ATXN1: variants seen among roughly 807,000 people sequenced by gnomAD.
The protein encoded by ATXN1 is ataxin 1.
Under a neutral mutation model 56.4 loss-of-function variants are expected in ATXN1, and 8 were observed. That is an observed-to-expected ratio of 0.14 (90% CI 0.08 to 0.26). The LOEUF (loss-of-function observed/expected upper bound fraction) is 0.26, where lower values mean the gene tolerates loss of function less well. Ranked by LOEUF, ATXN1 falls within the 10% of genes least tolerant of loss-of-function variation. ATXN1 has a pLI of 1.00. For missense variants in ATXN1, 987 were observed against 1,106.5 expected, an observed-to-expected ratio of 0.89 and a Z score of 1.53; for synonymous variants, 514 against 494.6, an observed-to-expected ratio of 1.04 and a Z score of -0.52.
chr6:16,560,145 C>T (rs908548589), intron 4 of ATXN1, among the ~76,000 whole-genome samples: 24 of 152,110 alleles, frequency 1.6e-4, no homozygotes, highest in African/African-American at 2.4e-4. Flanking sequence ...ACTTATTCTG[C>T]GTAGCTGAAT....
chr6:16,457,536 G>T (rs183869118), intron 6 of ATXN1, among the ~76,000 whole-genome samples: 3 of 152,132 alleles, frequency 2.0e-5, no homozygotes, highest in Admixed American at 2.0e-4. Flanking sequence ...TCTGCACTAC[G>T]GTCTGGCCTT....
In ATXN1 at chr6:16,662,062, G is replaced by A. The variant is rs1188320602; in HGVS notation, c.-614-4161C>T. Among the ~76,000 whole-genome samples the A allele has an allele frequency of 2.0e-5, 3 of 152,146 alleles. No individual in the cohort carries two copies. In the East Asian group the frequency reaches 5.8e-4, roughly 29 times the overall value. The stretch of plus-strand genomic sequence containing the variant: ...TACAATGTATGAAACACTCTTCTGG[G>A]AACTTTACATGACTTTTTACAGTGG... On this transcript the variant is annotated intron_variant, in intron 2 of 7. Coordinates refer to ENST00000436367, the MANE Select transcript of ATXN1 (RefSeq NM_001128164.2).
intron 6 of ATXN1, among the ~76,000 whole-genome samples, chr6:16,342,025 GC>G (rs1444178105): frequency 4.6e-5 from 7 of 151,722 alleles, no homozygotes; most frequent in African/African-American, 1.7e-4. Context: ...ACAGGTGCCT[GC>G]CACCACACCT....
chr6:16,523,857 C>T (rs977009018), intron 4 of ATXN1, among the ~76,000 whole-genome samples: 4 of 151,320 alleles, frequency 2.6e-5, no homozygotes, highest in Admixed American at 6.6e-5. Context: ...GATAAGGGAG[C>T]GACGGCAACA....
intron 3 of ATXN1, among the ~76,000 whole-genome samples, chr6:16,586,877 C>T (rs974186061): frequency 3.9e-5 from 6 of 151,940 alleles, no homozygotes; most frequent in African/African-American, 7.3e-5. Flanking sequence ...AAATTAGCCA[C>T]GCATGGTGGT....
chr6:16,337,070 C>A (rs778344527), intron 6 of ATXN1, among the ~76,000 whole-genome samples: 1 of 152,174 alleles, frequency 6.6e-6, no homozygotes, highest in African/African-American at 2.4e-5. Flanking sequence ...CCTCAAGACA[C>A]ACAGCTGCAC....
chr6:16,542,104 T>A lies in ATXN1; in HGVS notation c.-360-19416A>T, dbSNP rs529955243. 5.9e-5 allele frequency among the ~76,000 whole-genome samples: 9 copies of A among 151,892 alleles called. No individual in the cohort carries two copies. The East Asian group carries it at 9.7e-4, about 16-fold the overall frequency. ...GCTTGTCAAGTGCTTTAAGGCGCTA[T>A]AAGGCAAGATGCAACACTGAGAGAC... is the stretch of plus-strand genomic sequence containing the variant. On this transcript the variant is annotated intron_variant, in intron 4 of 7. Transcript: ENST00000436367.
intron 2 of ATXN1, among the ~76,000 whole-genome samples, chr6:16,749,529 C>G (rs1042887095): frequency 2.2e-4 from 33 of 152,108 alleles, no homozygotes; most frequent in Non-Finnish European, 5.9e-5. Context: ...GAGGTTTTGA[C>G]AAGATTTCAT....
At chr6:16,539,267 T>C (rs1308012109) in intron 4 of ATXN1, among the ~76,000 whole-genome samples, 1 of 152,200 alleles carries the variant, frequency 6.6e-6, no homozygotes, top group Non-Finnish European at 1.5e-5. Flanking sequence ...TTGCTTTCTC[T>C]CTTCTCTTGT....
At position 16,326,541 on chromosome 6, in the gene ATXN1, C is replaced by T. The variant is rs1459025080; in HGVS notation, c.1770G>A (p.Val590=). Residue 590 remains valine (V), a synonymous_variant, in exon 7 of 8, where the codon GTG becomes GTA. Transcript: ENST00000436367. The surrounding 1 kb of genome is among the most constrained non-coding windows in gnomAD (Gnocchi z 6.6). ...TGAAATCTTCTGTTTTTAAGTCTTC[C>T]ACCTTCTTTAGCTCCCCGTTGGCCA... is the stretch of plus-strand genomic sequence containing the variant. ...IQLANGELKK[V]EDLKTEDFIQ... 1.9e-6 allele frequency: 3 copies of T among 1,614,168 alleles called. No individual in the cohort carries two copies. The highest frequency in any genetic ancestry group is 1.7e-5 in the Admixed American group (1 of 60,020).
intron 4 of ATXN1, among the ~76,000 whole-genome samples, chr6:16,576,199 G>T (rs974893996): frequency 3.9e-4 from 60 of 152,078 alleles, no homozygotes; most frequent in African/African-American, 1.4e-3. Context: ...AGCAAATAAG[G>T]AATATCATCA....
intron 5 of ATXN1, among the ~76,000 whole-genome samples, chr6:16,516,492 T>C (rs1761185938): frequency 6.6e-6 from 1 of 152,166 alleles, no homozygotes; most frequent in African/African-American, 2.4e-5. Flanking sequence ...CCAGTGATCA[T>C]GAAAGAGGCC....
intron 4 of ATXN1, among the ~76,000 whole-genome samples, chr6:16,529,763 C>T (rs543829202): frequency 1.3e-5 from 2 of 152,250 alleles, no homozygotes; most frequent in African/African-American, 4.8e-5. Flanking sequence ...TCCAAATTCC[C>T]TAAACTTACT....
chr6:16,434,637 C>G (rs915582853), intron 6 of ATXN1, among the ~76,000 whole-genome samples: 12 of 152,178 alleles, frequency 7.9e-5, no homozygotes, highest in Admixed American at 2.0e-4. Flanking sequence ...CTGATTGATT[C>G]TTCATTCTCC....
chr6:16,633,705 T>C (rs114034162), intron 3 of ATXN1, among the ~76,000 whole-genome samples: 1 of 152,226 alleles, frequency 6.6e-6, no homozygotes, highest in African/African-American at 2.4e-5. Context: ...TTAGAGCAAA[T>C]ATGTCCAGAG....
At chr6:16,619,514 C>A (rs1430750618) in intron 3 of ATXN1, among the ~76,000 whole-genome samples, 2 of 152,222 alleles carry the variant, frequency 1.3e-5, no homozygotes, top group East Asian at 1.9e-4. Flanking sequence ...AATATACAGA[C>A]CCCTGGTAAA....
At chr6:16,435,309 T>A (rs537764120) in intron 6 of ATXN1, among the ~76,000 whole-genome samples, 34 of 152,226 alleles carry the variant, frequency 2.2e-4, no homozygotes, top group African/African-American at 7.7e-4. Context: ...GCAGGAGTCA[T>A]GGATCCATCA....
intron 6 of ATXN1, among the ~76,000 whole-genome samples, chr6:16,385,375 C>G (rs1454536800): frequency 6.6e-6 from 1 of 152,180 alleles, no homozygotes; most frequent in Non-Finnish European, 1.5e-5. Context: ...GAGGAACTTG[C>G]TGCAATGCCA....
At chr6:16,403,347 G>A (rs957915415) in intron 6 of ATXN1, among the ~76,000 whole-genome samples, 14 of 152,114 alleles carry the variant, frequency 9.2e-5, no homozygotes, top group Admixed American at 6.5e-4. Context: ...AGTTATTCAA[G>A]CTCTTTAAAA....
Sources: allele counts gnomAD v4.1 joint callset (sites outside exome capture counted in the v4.1 genomes callset), GRCh38; gene constraint gnomAD v4.1.1; non-coding constraint Gnocchi (gnomAD v3.1); transcripts MANE v1.5; gene names NCBI Gene and HGNC (gene_info 2026-07-23, HGNC 2026-07-21).